Variants in PCDH11X observed in about 807,000 individuals in gnomAD.
The protein encoded by PCDH11X is protocadherin 11 X-linked.
PCDH11X carries 18 observed loss-of-function variants against 53.3 expected under a neutral mutation model. That is an observed-to-expected ratio of 0.34 (90% CI 0.23 to 0.50). The LOEUF (loss-of-function observed/expected upper bound fraction) is 0.50, where lower values mean the gene tolerates loss of function less well. Ranked by LOEUF, PCDH11X falls within the 20% of genes least tolerant of loss-of-function variation. The pLI is 0.98. For missense variants in PCDH11X, 570 were observed against 1,032.4 expected (o/e 0.55, Z 6.14); for synonymous variants, 279 against 393.3 (o/e 0.71, Z 3.44).
intron 10 of PCDH11X, among the ~76,000 whole-genome samples, chrX:92,543,248 A>G (rs1389958035): frequency 6.0e-5 from 6 of 99,668 alleles, no homozygotes; most frequent in Non-Finnish European, 1.2e-4. Flanking sequence ...CTTTATTTTT[A>G]AACATTATAA....
intron 6 of PCDH11X, among the ~76,000 whole-genome samples, chrX:92,152,470 AT>A (rs1246266620): frequency 1.8e-5 from 2 of 111,934 alleles, no homozygotes; most frequent in African/African-American, 6.5e-5. Flanking sequence ...ACACTTCTTG[AT>A]TACTTGGAGC....
intron 8 of PCDH11X, among the ~76,000 whole-genome samples, chrX:92,361,302 G>A (rs1450719217): frequency 9.1e-6 from 1 of 109,928 alleles, no homozygotes; most frequent in Non-Finnish European, 1.9e-5. Flanking sequence ...ACATGATCAG[G>A]TCTTTATTAT....
At chrX:92,248,324 G>A (rs1301944824) in intron 7 of PCDH11X, among the ~76,000 whole-genome samples, 8 of 111,819 alleles carry the variant, frequency 7.2e-5, no homozygotes. Context: ...CTAGGTTCAA[G>A]TCAGTATCAG....
At chrX:92,031,559 G>C (rs192095269) in intron 6 of PCDH11X, among the ~76,000 whole-genome samples, 1 of 111,344 alleles carries the variant, frequency 9.0e-6, no homozygotes, top group Non-Finnish European at 1.9e-5. Context: ...TTTTTGCCCA[G>C]ACCAATGTCC....
chrX:92,347,592 C>G (rs1206533767), intron 8 of PCDH11X, among the ~76,000 whole-genome samples: 1 of 111,683 alleles, frequency 9.0e-6, no homozygotes, highest in East Asian at 2.8e-4. Flanking sequence ...ACCATTTATA[C>G]CCAGGTTTAT....
intron 6 of PCDH11X, among the ~76,000 whole-genome samples, chrX:92,062,657 T>C (rs1437655981): frequency 8.9e-6 from 1 of 111,971 alleles, no homozygotes; most frequent in Non-Finnish European, 1.9e-5. Flanking sequence ...TACCATCTCA[T>C]GCCAGTTAGA....
intron 1 of PCDH11X, among the ~76,000 whole-genome samples, chrX:91,791,848 G>A (rs188469916): frequency 5.6e-4 from 53 of 95,445 alleles, no homozygotes; most frequent in African/African-American, 2.0e-3. Context: ...CTATGAACAC[G>A]ATCAGTACAT....
At chrX:91,970,252 G>A (rs754101388) in intron 6 of PCDH11X, among the ~76,000 whole-genome samples, 2 of 111,315 alleles carry the variant, frequency 1.8e-5, no homozygotes, top group Admixed American at 9.6e-5. Flanking sequence ...CACGTGGAAG[G>A]GGACCTGAGC....
chrX:92,147,312 A>G (rs2065283495), intron 6 of PCDH11X, among the ~76,000 whole-genome samples: 1 of 108,144 alleles, frequency 9.2e-6, no homozygotes, highest in Non-Finnish European at 1.9e-5. Context: ...TCTAATTGCA[A>G]CATTTTCTCG....
chrX:92,259,075 C>A (rs1340891709), intron 7 of PCDH11X, among the ~76,000 whole-genome samples: 1 of 110,531 alleles, frequency 9.0e-6, no homozygotes, highest in African/African-American at 3.3e-5. Flanking sequence ...ATATCACCAT[C>A]AGTAATTTGG....
chrX:91,961,904 C>G (rs1327437344), intron 6 of PCDH11X, among the ~76,000 whole-genome samples: 1 of 110,795 alleles, frequency 9.0e-6, no homozygotes, highest in African/African-American at 3.3e-5. Flanking sequence ...GGGGGAAAAG[C>G]CCTTATAAAA....
chrX:92,402,361 G>A (rs1037300751), intron 9 of PCDH11X, among the ~76,000 whole-genome samples: 7 of 111,545 alleles, frequency 6.3e-5, no homozygotes, highest in East Asian at 5.6e-4. Flanking sequence ...AGCAGGAGGC[G>A]TCACACTGCT....
At chrX:92,517,994 G>T (rs1394718358) in intron 10 of PCDH11X, among the ~76,000 whole-genome samples, 1 of 109,334 alleles carries the variant, frequency 9.1e-6, no homozygotes, top group East Asian at 2.9e-4. Flanking sequence ...GCTCAGCTCT[G>T]TCTTCTTTTG....
At position 91,983,044 on chromosome X, in the gene PCDH11X, G is replaced by A; in HGVS notation, c.3033+103771G>A. On this transcript the variant is annotated intron_variant, in intron 6 of 10. Coordinates refer to ENST00000682573, the MANE Select transcript of PCDH11X (RefSeq NM_032968.5). Reference sequence around the variant, plus strand: ...GACTTTGCAGTCTCAAAATTCATCTGGTAGCCGGCCAGCCAGCCCTTGTAA... The same window carrying A: ...GACTTTGCAGTCTCAAAATTCATCTAGTAGCCGGCCAGCCAGCCCTTGTAA... 5.0e-6 allele frequency: 6 copies of A among 1,192,137 alleles called. No homozygotes were observed. In the South Asian group the frequency reaches 1.1e-4, roughly 21 times the overall value.
intron 5 of PCDH11X, among the ~76,000 whole-genome samples, chrX:91,857,668 C>A (rs1938428813): frequency 8.9e-6 from 1 of 111,963 alleles, no homozygotes; most frequent in Non-Finnish European, 1.9e-5. Context: ...TCCAATAGGG[C>A]AGTCACATCT....
At chrX:92,590,779 G>T (rs1422269806) in intron 10 of PCDH11X, among the ~76,000 whole-genome samples, 2 of 110,180 alleles carry the variant, frequency 1.8e-5, no homozygotes, top group Non-Finnish European at 3.8e-5. Flanking sequence ...TGTATTTGTG[G>T]ATGGTATCTC....
intron 10 of PCDH11X, among the ~76,000 whole-genome samples, chrX:92,561,353 A>C (rs187645247): frequency 2.0e-5 from 2 of 101,535 alleles, no homozygotes; most frequent in Non-Finnish European, 4.0e-5. Flanking sequence ...ATGACTTTTT[A>C]GATAGAGAAT....
At chrX:92,143,922 A>G (rs2065229745) in intron 6 of PCDH11X, among the ~76,000 whole-genome samples, 1 of 111,631 alleles carries the variant, frequency 9.0e-6, no homozygotes, top group East Asian at 2.9e-4. Flanking sequence ...GCCCAAGACC[A>G]TGGGAACCCA....
At chrX:92,229,851 G>C (rs908029321) in intron 7 of PCDH11X, among the ~76,000 whole-genome samples, 8 of 111,227 alleles carry the variant, frequency 7.2e-5, no homozygotes, top group Non-Finnish European at 1.3e-4. Flanking sequence ...TTGTCAGTGA[G>C]AGAAATTATG....
Sources: allele counts gnomAD v4.1 joint callset (sites outside exome capture counted in the v4.1 genomes callset), GRCh38; gene constraint gnomAD v4.1.1; transcripts MANE v1.5; gene names NCBI Gene and HGNC (gene_info 2026-07-23, HGNC 2026-07-21).